Variants in AP4E1 observed in about 807,000 individuals in gnomAD.
The protein encoded by AP4E1 is AP-4 complex subunit epsilon-1.
AP4E1 carries 56 observed loss-of-function variants against 128.2 expected under a neutral mutation model. That is an observed-to-expected ratio of 0.44 (90% CI 0.35 to 0.55). AP4E1 has a LOEUF of 0.55. AP4E1 is among the 20% of genes least tolerant of loss of function. The probability of loss-of-function intolerance (pLI) is 0.00; values close to 1 mark genes in which losing one functional copy is unlikely to be tolerated. For missense variants in AP4E1, 1,324 were observed against 1,307.7 expected (o/e 1.01, Z -0.19); for synonymous variants, 484 against 473.1 (o/e 1.02, Z -0.30).
upstream of AP4E1, among the ~76,000 whole-genome samples, chr15:50,908,395 C>T (rs541585809): frequency 6.6e-6 from 1 of 152,282 alleles, no homozygotes; most frequent in South Asian, 2.1e-4. Context: ...CAACTCCTGA[C>T]GCGGTCTCGG....
chr15:50,997,221 C>A (rs1342896938), intron 17 of AP4E1, 105 bp from the exon 18 acceptor site: 2 of 1,031,478 alleles, frequency 1.9e-6, no homozygotes, highest in Non-Finnish European at 2.7e-6. Context: ...ATAGATAGAA[C>A]CTTAGCAAAT....
At chr15:50,922,891 C>T (rs527268522) in intron 3 of AP4E1, among the ~76,000 whole-genome samples, 16 of 151,956 alleles carry the variant, frequency 1.1e-4, no homozygotes, top group Non-Finnish European at 2.1e-4. Context: ...CATTCTCCTG[C>T]CTCAGCCTCC....
intron 5 of AP4E1, among the ~76,000 whole-genome samples, chr15:50,927,586 G>A (rs1477334344): frequency 6.8e-6 from 1 of 147,658 alleles, no homozygotes; most frequent in Non-Finnish European, 1.5e-5. Context: ...AACACGCAAT[G>A]GCAATACACT....
chr15:50,949,732 G>T, intron 11 of AP4E1, 94 bp from the exon 12 acceptor site: 1 of 959,986 alleles, frequency 1.0e-6, no homozygotes, highest in Non-Finnish European at 1.7e-6. Context: ...GCCATACTAG[G>T]ATGAATTGGG....
chr15:50,955,665 A>C (rs1408617371), intron 13 of AP4E1, among the ~76,000 whole-genome samples: 1 of 152,238 alleles, frequency 6.6e-6, no homozygotes, highest in Non-Finnish European at 1.5e-5. Flanking sequence ...CTCCCATCAG[A>C]GAAAGGCAGG....
chr15:50,947,233 T>C (rs1239287591), intron 10 of AP4E1, among the ~76,000 whole-genome samples: 2 of 151,620 alleles, frequency 1.3e-5, no homozygotes, highest in African/African-American at 4.9e-5. Flanking sequence ...CTGGGCAACA[T>C]GGTCGAACTC....
At chr15:50,948,419 C>A (rs1214933141) in intron 11 of AP4E1, among the ~76,000 whole-genome samples, 1 of 148,866 alleles carries the variant, frequency 6.7e-6, no homozygotes, top group African/African-American at 2.5e-5. Context: ...AACCTTTATC[C>A]TCTTTTTCCT....
At chr15:50,971,102 C>G (rs529114623) in intron 15 of AP4E1, among the ~76,000 whole-genome samples, 53 of 152,214 alleles carry the variant, frequency 3.5e-4, no homozygotes, top group African/African-American at 1.3e-3. Context: ...CTTCCAGACT[C>G]CCTGGAGCAT....
At position 50,908,946 on chromosome 15, in the gene AP4E1, C is replaced by G; in HGVS notation, c.150+18C>G. On this transcript the variant is annotated intron_variant, in intron 1 of 20. Transcript: ENST00000261842. ...CCAAGCACGTAGGTGCCCGCCGGCCCGGGAGCTCAGGGACATCGGAGTGAG... is the reference window on the plus strand; with the variant it reads ...CCAAGCACGTAGGTGCCCGCCGGCCGGGGAGCTCAGGGACATCGGAGTGAG... 6.2e-7 allele frequency: 1 copy of G among 1,610,294 alleles called. No homozygotes were observed. Among genetic ancestry groups the G allele is most frequent in the Non-Finnish European group, 8.5e-7 (1 of 1,179,318 alleles).
chr15:50,907,703 C>G (rs1343548166), upstream of AP4E1, among the ~76,000 whole-genome samples: 4 of 152,158 alleles, frequency 2.6e-5, no homozygotes, highest in East Asian at 1.9e-4. Flanking sequence ...CTTGAAAACT[C>G]TGTACATTTC....
At chr15:50,988,183 G>T (rs750298269) in intron 16 of AP4E1, among the ~76,000 whole-genome samples, 1 of 152,078 alleles carries the variant, frequency 6.6e-6, no homozygotes, top group Non-Finnish European at 1.5e-5. Flanking sequence ...AACTTATGAT[G>T]GGGTTACATT....
chr15:50,924,263 G>A, intron 4 of AP4E1, among the ~76,000 whole-genome samples: 1 of 152,130 alleles, frequency 6.6e-6, no homozygotes, highest in East Asian at 1.9e-4. Flanking sequence ...AAAACACAGA[G>A]TTAGAACTAA....
At chr15:50,919,540 AAATAAAT>A (rs1290177809) in intron 3 of AP4E1, among the ~76,000 whole-genome samples, 14 of 20,986 alleles carry the variant, frequency 6.7e-4, no homozygotes, top group Admixed American at 6.5e-3. Flanking sequence ...CTCAAAAAAT[AAATAAAT>A]AAATAAATAA....
Position 50,929,106 on chromosome 15 carries a change from C to G in AP4E1, c.640C>G (p.Leu214Val). Residue 214 changes from leucine to valine, a missense_variant, in exon 6 of 21, where the codon CTT becomes GTT. Leu to Val is a conservative substitution (Grantham distance 32, BLOSUM62 1). Transcript: ENST00000261842. ...TATTCATATTAAGTTTCGGAAAGCA[C>G]TTTGTGACAGAGATGTTGGGGTCAT... is the stretch of plus-strand genomic sequence containing the variant. ...QHIHIKFRKALCDRDVGVMAA... is the reference protein window; with the variant it reads ...QHIHIKFRKAVCDRDVGVMAA... 2 of 1,613,798 alleles carry G rather than the reference C, an allele frequency of 1.2e-6. No homozygotes were observed. Among genetic ancestry groups the G allele is most frequent in the Non-Finnish European group, 1.7e-6 (2 of 1,179,904 alleles).
intron 16 of AP4E1, among the ~76,000 whole-genome samples, chr15:50,989,628 C>T (rs1344217870): frequency 6.6e-6 from 1 of 151,880 alleles, no homozygotes. Flanking sequence ...CAAACAGGGA[C>T]CAAAGGGACA....
intron 17 of AP4E1, among the ~76,000 whole-genome samples, 200 bp downstream of exon 17, chr15:50,993,825 T>C (rs920420243): frequency 6.6e-6 from 1 of 152,202 alleles, no homozygotes; most frequent in African/African-American, 2.4e-5. Flanking sequence ...TGCAGTTGGC[T>C]CAACTTGAGT....
chr15:50,974,390 C>CTGA (rs1232124166), intron 15 of AP4E1, among the ~76,000 whole-genome samples: 1 of 151,924 alleles, frequency 6.6e-6, no homozygotes, highest in Non-Finnish European at 1.5e-5. Context: ...CCTCAGCTTC[C>CTGA]TGAGTATCTA....
At chr15:50,945,370 T>G in intron 10 of AP4E1, 1 of 779,486 alleles carries the variant, frequency 1.3e-6, no homozygotes, top group South Asian at 1.3e-5. Flanking sequence ...AAAGGTTATA[T>G]TAGATATGAG....
chr15:50,916,662 T>C (rs1019889894), intron 3 of AP4E1, among the ~76,000 whole-genome samples: 4 of 152,188 alleles, frequency 2.6e-5, no homozygotes, highest in African/African-American at 9.7e-5. Context: ...GTGCACACAA[T>C]ATTCCACTTG....
Sources: allele counts gnomAD v4.1 joint callset (sites outside exome capture counted in the v4.1 genomes callset), GRCh38; gene constraint gnomAD v4.1.1; transcripts MANE v1.5; gene names NCBI Gene and HGNC (gene_info 2026-07-23, HGNC 2026-07-21).